The following CPNE5 variants were observed in gnomAD, a reference collection of about 807,000 sequenced individuals.
CPNE5 encodes the protein copine-5.
Under a neutral mutation model 81.1 loss-of-function variants are expected in CPNE5, and 42 were observed. That is an observed-to-expected ratio of 0.52 (90% CI 0.40 to 0.67). CPNE5 has a LOEUF of 0.67. Among genes scored for constraint, CPNE5 ranks in the 30% least tolerant of loss-of-function variants. The pLI is 0.00. For missense variants in CPNE5, 612 were observed against 815.5 expected, an observed-to-expected ratio of 0.75 and a Z score of 3.04; for synonymous variants, 313 against 321.5, an observed-to-expected ratio of 0.97 and a Z score of 0.28.
chr6:36,826,289 C>A (rs9380605), intron 1 of CPNE5, among the ~76,000 whole-genome samples: 119 of 152,030 alleles, frequency 7.8e-4, no homozygotes, highest in African/African-American at 2.7e-3. Flanking sequence ...CAGAATCTAG[C>A]CACCTGGCTC....
intron 1 of CPNE5, chr6:36,827,573 C>T (rs910868336): frequency 1.6e-4 from 156 of 985,388 alleles, no homozygotes; most frequent in Non-Finnish European, 1.8e-4. Context: ...GCCTCAGTTT[C>T]CCCCGCTGCA....
Position 36,839,359 on chromosome 6 carries a change from T to A in CPNE5, c.19A>T (p.Met7Leu). 3 of 1,553,160 alleles carry A rather than the reference T, an allele frequency of 1.9e-6. No homozygotes were observed. Among genetic ancestry groups the A allele is most frequent in the Non-Finnish European group, 2.6e-6 (3 of 1,147,812 alleles). Residue 7 changes from methionine (M) to leucine (L), a missense_variant, in exon 1 of 21, where the codon ATG becomes TTG. By Grantham distance (15) the Met-to-Leu change is conservative. Transcript: ENST00000244751. This position sits in a 1 kb window ranked among gnomAD's most constrained non-coding sequence, Gnocchi z 7.3. The stretch of plus-strand genomic sequence containing the variant: ...GAGTCGAACTCGCTCAGCGACGCCA[T>A]GTCCTCAGGCTGCTCCATCGCCCAC... MEQPED[M>L]ASLSEFDSLA...
At chr6:36,781,974 A>G (rs997379292) in intron 8 of CPNE5, among the ~76,000 whole-genome samples, 5 of 152,088 alleles carry the variant, frequency 3.3e-5, no homozygotes, top group Non-Finnish European at 5.9e-5. Flanking sequence ...GGCTCTGCAT[A>G]GCCTTGAGCA....
Position 36,822,159 on chromosome 6 carries a change from C to T in CPNE5, c.138G>A (p.Leu46=). 6.6e-7 allele frequency: 1 copy of T among 1,522,672 alleles called. No individual in the cohort carries two copies. The highest frequency in any genetic ancestry group is 2.5e-5 in the East Asian group (1 of 40,544). 94.3% of individuals were successfully genotyped at this position (1,522,672 alleles called of 1,614,324 possible). A position where few individuals can be genotyped will look rare whatever the true frequency, so the allele number is the denominator to read the frequency against. The change falls in exon 3 of 21, where the codon CTG becomes CTA. Residue 46 remains leucine (L), a splice_region_variant and synonymous_variant. Coordinates refer to ENST00000244751, the MANE Select transcript of CPNE5 (RefSeq NM_020939.2). ...DKDMFSKSDP[L]CVMYTQGMEN... is the part of the protein sequence containing the mutation. ...CCATCCCTTGGGTATACATGACGCA[C>T]ACTGCGGGGGGAGGAGAAACAGTGG... is the stretch of plus-strand genomic sequence containing the variant.
At chr6:36,817,880 C>T (rs965439807) in intron 3 of CPNE5, among the ~76,000 whole-genome samples, 3 of 152,152 alleles carry the variant, frequency 2.0e-5, no homozygotes, top group Admixed American at 6.5e-5. Flanking sequence ...CCCTTCCTCC[C>T]AAGGCCTGGA....
intron 3 of CPNE5, among the ~76,000 whole-genome samples, chr6:36,818,687 C>G (rs1223861897): frequency 1.3e-5 from 2 of 152,210 alleles, no homozygotes; most frequent in African/African-American, 2.4e-5. Context: ...TAGGCCCCAC[C>G]TCCAGAAAGG....
intron 2 of CPNE5, 112 bp from the exon 3 acceptor site, chr6:36,822,272 G>T: frequency 1.2e-6 from 1 of 806,804 alleles, no homozygotes; most frequent in East Asian, 3.0e-5. Context: ...AGCCTGGGTA[G>T]CACTGTTGGA....
At chr6:36,756,354 C>A in intron 12 of CPNE5, 56 bp from the exon 13 acceptor site, 3 of 1,499,208 alleles carry the variant, frequency 2.0e-6, no homozygotes, top group Non-Finnish European at 1.9e-6. Flanking sequence ...CAGGGTGAGT[C>A]TTGAGGGCTT....
intron 17 of CPNE5, 79 bp downstream of exon 17, chr6:36,745,309 C>T (rs946686606): frequency 1.1e-5 from 17 of 1,525,572 alleles, no homozygotes; most frequent in Admixed American, 7.9e-5. Flanking sequence ...AGAGAAACCC[C>T]CTCCCACCAC....
intron 3 of CPNE5, among the ~76,000 whole-genome samples, chr6:36,808,540 G>C (rs1160226250): frequency 4.6e-5 from 7 of 152,004 alleles, no homozygotes; most frequent in African/African-American, 1.4e-4. Context: ...TGGGGCCCAG[G>C]GCCAGGGAGG....
At chr6:36,816,957 T>C (rs1771596835) in intron 3 of CPNE5, among the ~76,000 whole-genome samples, 1 of 152,204 alleles carries the variant, frequency 6.6e-6, no homozygotes, top group South Asian at 2.1e-4. Flanking sequence ...TTTTAGATTT[T>C]CAGTAGGGAC....
At chr6:36,768,890 A>G (rs1181961208) in intron 10 of CPNE5, among the ~76,000 whole-genome samples, 1 of 152,240 alleles carries the variant, frequency 6.6e-6, no homozygotes, top group African/African-American at 2.4e-5. Flanking sequence ...GCCCCGAGCA[A>G]CTGGCTTAAC....
At chr6:36,836,051 G>C (rs540238012) in intron 1 of CPNE5, among the ~76,000 whole-genome samples, 4 of 152,268 alleles carry the variant, frequency 2.6e-5, no homozygotes, top group Admixed American at 2.0e-4. Flanking sequence ...AAGAGAGCTG[G>C]GATTTGAAAC....
chr6:36,751,727 G>A (rs892711207), intron 14 of CPNE5, among the ~76,000 whole-genome samples: 3 of 152,260 alleles, frequency 2.0e-5, no homozygotes, highest in South Asian at 2.1e-4. Context: ...CCCAGGAGGC[G>A]GAGGTTGCAG....
intron 12 of CPNE5, among the ~76,000 whole-genome samples, chr6:36,760,264 G>A (rs1765895621): frequency 6.6e-6 from 1 of 151,512 alleles, no homozygotes; most frequent in Non-Finnish European, 1.5e-5. Flanking sequence ...GTGGCTGGCT[G>A]GGGAAACAGC....
At chr6:36,774,913 A>C in intron 10 of CPNE5, 48 bp downstream of exon 10, 5,787 of 1,172,970 alleles carry the variant, frequency 4.9e-3, no homozygotes, top group Non-Finnish European at 6.7e-3. Context: ...GTGCTTGGGG[A>C]GGGCCCAGAA....
chr6:36,756,310 A>C lies in CPNE5; in HGVS notation c.856-12T>G. ...TTCGGGTTTACCACCTGCAGGAAAAACCAGTTACCAGGTAAGGCATGCTTC... is the reference window on the plus strand; with the variant it reads ...TTCGGGTTTACCACCTGCAGGAAAACCCAGTTACCAGGTAAGGCATGCTTC... On this transcript the variant is annotated splice_polypyrimidine_tract_variant and intron_variant, in intron 12 of 20. Transcript: ENST00000244751. 6.2e-7 allele frequency: 1 copy of C among 1,613,046 alleles called. No homozygotes were observed. Among genetic ancestry groups the C allele is most frequent in the Non-Finnish European group, 8.5e-7 (1 of 1,179,332 alleles).
At chr6:36,754,216 T>TC (rs1491044012) in intron 13 of CPNE5, 2 of 26,282 alleles carry the variant, frequency 7.6e-5, no homozygotes, top group Non-Finnish European at 2.0e-4. Context: ...GAGATCTTCT[T>TC]TTTTTTTTTT....
intron 8 of CPNE5, among the ~76,000 whole-genome samples, chr6:36,785,755 G>A (rs1340249414): frequency 2.0e-5 from 3 of 152,170 alleles, no homozygotes; most frequent in African/African-American, 4.8e-5. Context: ...GCTCACGCCT[G>A]TAATCCCAGC....
Sources: allele counts gnomAD v4.1 joint callset (sites outside exome capture counted in the v4.1 genomes callset), GRCh38; gene constraint gnomAD v4.1.1; non-coding constraint Gnocchi (gnomAD v3.1); transcripts MANE v1.5; gene names NCBI Gene and HGNC (gene_info 2026-07-23, HGNC 2026-07-21).